ADCY2: variants seen among roughly 807,000 people sequenced by gnomAD.
The protein encoded by ADCY2 is adenylate cyclase 2.
A neutral mutation model predicts 125.2 loss-of-function variants in ADCY2; 31 were observed. That is an observed-to-expected ratio of 0.25 (90% CI 0.19 to 0.33). The LOEUF is 0.33. ADCY2 is among the 10% of genes least tolerant of loss of function. The probability of loss-of-function intolerance (pLI) is 1.00; values close to 1 mark genes in which losing one functional copy is unlikely to be tolerated. For missense variants in ADCY2, 904 were observed against 1,418.2 expected (o/e 0.64, Z 5.82); for synonymous variants, 512 against 548.4 (o/e 0.93, Z 0.93).
At chr5:7,677,184 A>C (rs1740157233) in intron 4 of ADCY2, among the ~76,000 whole-genome samples, 1 of 152,176 alleles carries the variant, frequency 6.6e-6, no homozygotes, top group African/African-American at 2.4e-5. Flanking sequence ...AGGCTGAGGC[A>C]GGAGAATCGC....
intron 1 of ADCY2, among the ~76,000 whole-genome samples, chr5:7,402,281 T>C (rs1201840256): frequency 6.6e-6 from 1 of 152,226 alleles, no homozygotes; most frequent in Non-Finnish European, 1.5e-5. Context: ...AGTTAGCTCA[T>C]GGGTTTGGTC....
At chr5:7,408,712 CA>C (rs1270135689) in intron 1 of ADCY2, among the ~76,000 whole-genome samples, 2 of 151,874 alleles carry the variant, frequency 1.3e-5, no homozygotes, top group East Asian at 3.9e-4. Context: ...AACAAAAAAC[CA>C]AAAACAAAAA....
At chr5:7,737,207 A>G (rs1348337471) in intron 14 of ADCY2, among the ~76,000 whole-genome samples, 1 of 152,200 alleles carries the variant, frequency 6.6e-6, no homozygotes, top group African/African-American at 2.4e-5. Context: ...AGAAGTATTT[A>G]CAGAATGAGA....
intron 15 of ADCY2, among the ~76,000 whole-genome samples, chr5:7,750,043 C>A (rs1281372596): frequency 6.6e-6 from 1 of 152,214 alleles, no homozygotes; most frequent in African/African-American, 2.4e-5. Context: ...CTCTGGTGAA[C>A]AGCATGTAGC....
intron 1 of ADCY2, among the ~76,000 whole-genome samples, chr5:7,397,903 C>T: frequency 6.6e-6 from 1 of 152,162 alleles, no homozygotes; most frequent in East Asian, 1.9e-4. Flanking sequence ...ACTCTCTCCA[C>T]ATGTAACCAG....
At chr5:7,589,524 G>GAAAGAAAGAAAGAAAGAAAAGAAAAGAA (rs1554022167) in intron 3 of ADCY2, among the ~76,000 whole-genome samples, 17 of 67,932 alleles carry the variant, frequency 2.5e-4, no homozygotes, top group Non-Finnish European at 4.4e-4. Flanking sequence ...AGAAAAGAAA[G>GAAAGAAAGAAAGAAAGAAAAGAAAAGAA]AGAAAGAAAG....
chr5:7,565,237 T>C (rs747627565), intron 3 of ADCY2, among the ~76,000 whole-genome samples: 2 of 152,316 alleles, frequency 1.3e-5, no homozygotes, highest in South Asian at 2.1e-4. Flanking sequence ...GCAAATTCAG[T>C]TGATATTATT....
At chr5:7,789,071 A>T (rs781153674) in intron 19 of ADCY2, among the ~76,000 whole-genome samples, 1 of 152,240 alleles carries the variant, frequency 6.6e-6, no homozygotes, top group Non-Finnish European at 1.5e-5. Flanking sequence ...TATCTTAATT[A>T]ATATCAAAAT....
At chr5:7,711,251 G>A (rs1056447771) in intron 10 of ADCY2, among the ~76,000 whole-genome samples, 5 of 152,184 alleles carry the variant, frequency 3.3e-5, no homozygotes, top group Non-Finnish European at 2.9e-5. Flanking sequence ...GGGCCTTCCA[G>A]CATTTAGATC....
chr5:7,497,086 A>G (rs1453887341), intron 2 of ADCY2, among the ~76,000 whole-genome samples: 1 of 152,200 alleles, frequency 6.6e-6, no homozygotes, highest in Non-Finnish European at 1.5e-5. Context: ...GCATCCAAAG[A>G]TAAAGCACAT....
intron 18 of ADCY2, among the ~76,000 whole-genome samples, chr5:7,774,818 C>A (rs1250545574): frequency 6.6e-6 from 1 of 152,222 alleles, no homozygotes; most frequent in African/African-American, 2.4e-5. Context: ...TCCTCGGGGG[C>A]ACGCACCTGT....
At chr5:7,484,940 C>A (rs545747060) in intron 2 of ADCY2, among the ~76,000 whole-genome samples, 1 of 152,294 alleles carries the variant, frequency 6.6e-6, no homozygotes, top group East Asian at 1.9e-4. Context: ...ATTGTCTGTG[C>A]TCCTTGGTCC....
At chr5:7,407,044 T>C (rs1739512937) in intron 1 of ADCY2, among the ~76,000 whole-genome samples, 1 of 152,230 alleles carries the variant, frequency 6.6e-6, no homozygotes, top group Admixed American at 6.5e-5. Flanking sequence ...AAGGCACCTT[T>C]ATCCATTTGG....
At chr5:7,674,584 A>G (rs886541073) in intron 4 of ADCY2, among the ~76,000 whole-genome samples, 2 of 152,142 alleles carry the variant, frequency 1.3e-5, no homozygotes, top group African/African-American at 4.8e-5. Flanking sequence ...TGTGTTTCCA[A>G]CCAAGCAATG....
intron 4 of ADCY2, among the ~76,000 whole-genome samples, chr5:7,682,497 G>A (rs891071489): frequency 6.6e-6 from 1 of 152,160 alleles, no homozygotes; most frequent in Non-Finnish European, 1.5e-5. Flanking sequence ...GAGCGTCTAA[G>A]CTTGGCAGCA....
intron 4 of ADCY2, among the ~76,000 whole-genome samples, chr5:7,652,872 T>C (rs559276110): frequency 3.0e-4 from 45 of 152,284 alleles, no homozygotes; most frequent in South Asian, 6.2e-4. Context: ...CCTGTCACTA[T>C]TACATACATT....
At chr5:7,409,975 A>G (rs1419438845) in intron 1 of ADCY2, among the ~76,000 whole-genome samples, 2 of 152,222 alleles carry the variant, frequency 1.3e-5, no homozygotes, top group East Asian at 3.8e-4. Context: ...CTATTTATCT[A>G]TATACATATG....
At chr5:7,754,839 G>A (rs927560830) in intron 15 of ADCY2, among the ~76,000 whole-genome samples, 41 of 151,622 alleles carry the variant, frequency 2.7e-4, no homozygotes, top group African/African-American at 9.7e-4. Context: ...CCTGAGTGGT[G>A]AGAGAGCAAG....
At chr5:7,810,970 G>A (rs1744923648) in intron 22 of ADCY2, among the ~76,000 whole-genome samples, 1 of 152,130 alleles carries the variant, frequency 6.6e-6, no homozygotes. Flanking sequence ...GAAGTCAAAA[G>A]CAAAGTTTAG....
Sources: gnomAD v4.1 joint callset for allele counts (sites outside exome capture counted in the v4.1 genomes callset) on GRCh38, gnomAD v4.1.1 for gene constraint, MANE v1.5 for transcripts, NCBI Gene and HGNC (gene_info 2026-07-23, HGNC 2026-07-21) for gene names.